Variants in AFF4 observed in about 807,000 individuals in gnomAD.
The protein encoded by AFF4 is ALF transcription elongation factor 4, also known as AF4/FMR2 family member 4.
Under a neutral mutation model 124.8 loss-of-function variants are expected in AFF4, and 13 were observed. The observed-to-expected ratio is 0.10, with a 90% confidence interval of 0.07 to 0.17. The LOEUF is 0.17. AFF4 is among the 10% of genes least tolerant of loss of function. AFF4 has a pLI of 1.00. For synonymous variants in AFF4, 477 were observed against 496.1 expected, an observed-to-expected ratio of 0.96 and a Z score of 0.51; for missense variants, 1,092 against 1,403.8, an observed-to-expected ratio of 0.78 and a Z score of 3.55.
chr5:132,904,139 C>T, intron 6 of AFF4: 1 of 431,636 alleles, frequency 2.3e-6, no homozygotes. Flanking sequence ...TGCCCACAGT[C>T]CCAGCTACTC....
chr5:132,910,169 G>C (rs1007510224), intron 5 of AFF4, among the ~76,000 whole-genome samples: 2 of 152,148 alleles, frequency 1.3e-5, no homozygotes, highest in Admixed American at 6.5e-5. Context: ...TCAATCTTTA[G>C]TAAGTTTTAT....
At chr5:132,929,662 T>C (rs1014960931) in intron 4 of AFF4, among the ~76,000 whole-genome samples, 1 of 152,144 alleles carries the variant, frequency 6.6e-6, no homozygotes, top group Admixed American at 6.6e-5. Flanking sequence ...AGAAAGAATG[T>C]ATGTGGCTTA....
intron 5 of AFF4, among the ~76,000 whole-genome samples, chr5:132,917,251 C>T (rs535274660): frequency 6.9e-4 from 104 of 150,898 alleles, no homozygotes; most frequent in African/African-American, 2.5e-3. Flanking sequence ...CATATTAATA[C>T]AAATCAAAAC....
intron 1 of AFF4, among the ~76,000 whole-genome samples, chr5:132,955,777 CAA>C (rs1214913729): frequency 1.4e-4 from 10 of 71,266 alleles, no homozygotes; most frequent in South Asian, 4.4e-4. Flanking sequence ...GATTCCATCT[CAA>C]AAAAAAAAAA....
chr5:132,947,500 G>GT (rs930590222), intron 1 of AFF4, among the ~76,000 whole-genome samples: 4 of 151,788 alleles, frequency 2.6e-5, no homozygotes, highest in Admixed American at 6.6e-5. Context: ...TTTGTTTTTT[G>GT]TTTTTTTCAC....
In AFF4 at chr5:132,934,848, T is replaced by C; in HGVS notation, c.217A>G (p.Lys73Glu). 6.2e-7 allele frequency: 1 copy of C among 1,614,146 alleles called. No individual in the cohort carries two copies. The highest frequency in any genetic ancestry group is 8.5e-7 in the Non-Finnish European group (1 of 1,180,028). The change falls in exon 3 of 21, where the codon AAG becomes GAG. Residue 73 changes from lysine to glutamate, a missense_variant. Transcript: ENST00000265343. ...GTAGGCTTGGGAATTGCAACAAGCT[T>C]TGGTATAGATCTGTCTCCTATGAAA... ...KDFIGDRSIP[K>E]LVAIPKPTVP...
intron 16 of AFF4, 53 bp downstream of exon 16, chr5:132,887,793 T>A: frequency 6.2e-7 from 1 of 1,600,156 alleles, no homozygotes. Context: ...TCTTCCTTGA[T>A]GGACCAGAGA....
chr5:132,931,348 G>A (rs1761296366), intron 4 of AFF4, among the ~76,000 whole-genome samples: 1 of 152,118 alleles, frequency 6.6e-6, no homozygotes, highest in African/African-American at 2.4e-5. Flanking sequence ...AGAATTGCTT[G>A]AACCCAGGAG....
chr5:132,918,519 G>A (rs2150087093), intron 5 of AFF4, among the ~76,000 whole-genome samples: 1 of 152,086 alleles, frequency 6.6e-6, no homozygotes, highest in South Asian at 2.1e-4. Context: ...AAAATTAACT[G>A]GGCATCATGG....
At chr5:132,887,094 C>T (rs1226597629) in intron 17 of AFF4, among the ~76,000 whole-genome samples, 1 of 152,188 alleles carries the variant, frequency 6.6e-6, no homozygotes, top group Non-Finnish European at 1.5e-5. Context: ...GTGTTAAACA[C>T]AGTGCCAGGT....
intron 4 of AFF4, among the ~76,000 whole-genome samples, chr5:132,929,694 C>T (rs1581313833): frequency 1.3e-5 from 2 of 152,054 alleles, no homozygotes; most frequent in Admixed American, 6.6e-5. Flanking sequence ...TTAGCAAAAG[C>T]GGTCAGTCAG....
chr5:132,960,577 T>A (rs1762059999), intron 1 of AFF4, among the ~76,000 whole-genome samples: 1 of 152,210 alleles, frequency 6.6e-6, no homozygotes. Context: ...GCAAAATATA[T>A]AACTTTTAGA....
intron 6 of AFF4, 27 bp from the exon 7 acceptor site, chr5:132,902,514 A>G (rs749951957): frequency 6.5e-7 from 1 of 1,548,800 alleles, no homozygotes. Context: ...GAAGTGAGCA[A>G]CTAAAGGATG....
In AFF4 at chr5:132,957,042, A is replaced by C. The variant is rs1374853130; in HGVS notation, c.-5+6217T>G. 3.0e-3 allele frequency among the ~76,000 whole-genome samples: 450 copies of C among 149,990 alleles called. 2 individuals are homozygous for C. The highest frequency in any genetic ancestry group is 5.3e-3 in the Non-Finnish European group (354 of 67,324). Reference sequence around the variant, plus strand: ...CTCAAAAAAAAAAAAAAAAAAAAAAAAAAAAAACAGAAAAATGGCCAGGTG... The same window carrying C: ...CTCAAAAAAAAAAAAAAAAAAAAAACAAAAAAACAGAAAAATGGCCAGGTG... On this transcript the variant is annotated intron_variant, in intron 1 of 20. Transcript: ENST00000265343.
intron 1 of AFF4, among the ~76,000 whole-genome samples, chr5:132,949,056 CT>C (rs1761767436): frequency 6.6e-6 from 1 of 151,866 alleles, no homozygotes; most frequent in African/African-American, 2.4e-5. Flanking sequence ...TGGCTCTTGC[CT>C]TATCAAAACA....
At chr5:132,954,643 G>A (rs947090019) in intron 1 of AFF4, among the ~76,000 whole-genome samples, 91 of 148,926 alleles carry the variant, frequency 6.1e-4, no homozygotes, top group African/African-American at 2.2e-3. Context: ...CGCCTCCCGG[G>A]TTCACGCCAT....
chr5:132,921,473 CTTTTTTTTTT>C (rs142500965), intron 5 of AFF4, among the ~76,000 whole-genome samples: 1 of 119,896 alleles, frequency 8.3e-6, no homozygotes, highest in South Asian at 3.0e-4. Flanking sequence ...TTTTTTTTTT[CTTTTTTTTTT>C]TTTTGAGACA....
chr5:132,906,039 T>G (rs968098238), intron 5 of AFF4, among the ~76,000 whole-genome samples: 10 of 152,224 alleles, frequency 6.6e-5, no homozygotes, highest in Admixed American at 4.6e-4. Flanking sequence ...TTCTCACACC[T>G]GTCATCACGG....
intron 1 of AFF4, among the ~76,000 whole-genome samples, chr5:132,951,393 T>C (rs1036585318): frequency 6.6e-6 from 1 of 152,166 alleles, no homozygotes; most frequent in Admixed American, 6.6e-5. Flanking sequence ...AACAACCACC[T>C]TAGGAAATAA....
Sources: allele counts gnomAD v4.1 joint callset (sites outside exome capture counted in the v4.1 genomes callset), GRCh38; gene constraint gnomAD v4.1.1; transcripts MANE v1.5; gene names NCBI Gene and HGNC (gene_info 2026-07-23, HGNC 2026-07-21).